The following PRKAR2A variants were observed in gnomAD, a reference collection of about 807,000 sequenced individuals.
PRKAR2A encodes the protein cAMP-dependent protein kinase type II-alpha regulatory subunit.
Under a neutral mutation model 51.9 loss-of-function variants are expected in PRKAR2A, and 29 were observed. The ratio of observed to expected loss-of-function variants is 0.56; its 90% CI spans 0.42 to 0.76. The LOEUF is 0.76. Ranked by LOEUF, PRKAR2A falls within the 30% of genes least tolerant of loss-of-function variation. PRKAR2A has a pLI of 0.00. For synonymous variants in PRKAR2A, 178 were observed against 186.2 expected (o/e 0.96, Z 0.36); for missense variants, 445 against 512.1 (o/e 0.87, Z 1.26).
intron 3 of PRKAR2A, among the ~76,000 whole-genome samples, chr3:48,792,538 C>T (rs1394221794): frequency 3.5e-5 from 5 of 141,222 alleles, no homozygotes; most frequent in Admixed American, 3.5e-4. Flanking sequence ...CTCAGCTCAC[C>T]ACAACCTCGG....
chr3:48,805,968 A>G (rs1055957536), intron 2 of PRKAR2A, among the ~76,000 whole-genome samples: 2 of 152,218 alleles, frequency 1.3e-5, no homozygotes, highest in African/African-American at 4.8e-5. Context: ...GTATCACTAT[A>G]GTCTCCATCT....
chr3:48,833,675 A>C (rs1407799037), intron 1 of PRKAR2A, among the ~76,000 whole-genome samples: 1 of 149,896 alleles, frequency 6.7e-6, no homozygotes, highest in African/African-American at 2.5e-5. Flanking sequence ...GCGCCATTGC[A>C]CTTCAGCCTG....
intron 5 of PRKAR2A, among the ~76,000 whole-genome samples, chr3:48,780,034 C>A (rs2082168997): frequency 6.6e-6 from 1 of 151,496 alleles, no homozygotes; most frequent in Non-Finnish European, 1.5e-5. Context: ...TGGCAGGCAC[C>A]TGTAGTCCCA....
In PRKAR2A at chr3:48,814,825, C is replaced by T. The variant is rs1281127848; in HGVS notation, c.263-7141G>A. ...TTATTTTCTAATCTCAAGCTTTGTG[C>T]TTTATAAATATTTAGTTATTAATTT... On this transcript the variant is annotated intron_variant, in intron 1 of 10. Transcript: ENST00000265563. Among the ~76,000 whole-genome samples the T allele has an allele frequency of 2.6e-5, 4 of 152,136 alleles. No individual in the cohort carries two copies. The East Asian group carries it at 7.7e-4, about 29-fold the overall frequency.
intron 1 of PRKAR2A, among the ~76,000 whole-genome samples, chr3:48,827,396 T>G (rs1357704041): frequency 6.6e-6 from 1 of 151,656 alleles, no homozygotes; most frequent in Non-Finnish European, 1.5e-5. Flanking sequence ...GCTGATAGCA[T>G]GAAGTAAACT....
intron 5 of PRKAR2A, among the ~76,000 whole-genome samples, chr3:48,775,686 CA>C (rs2082095678): frequency 6.6e-6 from 1 of 151,774 alleles, no homozygotes; most frequent in African/African-American, 2.4e-5. Context: ...AAAGATACTG[CA>C]AAAGATTTAA....
In PRKAR2A at chr3:48,748,751, GTTCTTGTC is replaced by G. The variant is rs2081601411; in HGVS notation, c.*2826_*2833del. On this transcript the variant is annotated 3_prime_UTR_variant, in exon 11 of 11. Transcript: ENST00000265563. ...GTTACCTTTACAAGAAACTGGTGTGGTTCTTGTCTGCTAAGGGCAAGACCTGTTTTCTG... is the reference window on the plus strand; with the variant it reads ...GTTACCTTTACAAGAAACTGGTGTGGTGCTAAGGGCAAGACCTGTTTTCTG... The G allele has an allele frequency of 1.3e-5, 2 of 152,172 alleles. No homozygotes were observed. Among genetic ancestry groups the G allele is most frequent in the South Asian group, 4.1e-4 (2 of 4,834 alleles). 9.4% of individuals were successfully genotyped at this position (152,172 alleles called of 1,614,324 possible). A position where few individuals can be genotyped will look rare whatever the true frequency, so the allele number is the denominator to read the frequency against.
At chr3:48,781,281 C>T (rs2082193352) in intron 5 of PRKAR2A, among the ~76,000 whole-genome samples, 1 of 151,620 alleles carries the variant, frequency 6.6e-6, no homozygotes, top group South Asian at 2.1e-4. Context: ...CCACCACGCC[C>T]AGCCTTGCCA....
intron 1 of PRKAR2A, among the ~76,000 whole-genome samples, chr3:48,837,081 T>C (rs770689696): frequency 1.1e-4 from 17 of 151,968 alleles, no homozygotes; most frequent in Admixed American, 2.0e-4. Context: ...TGAGCTATGA[T>C]TGCACCACTA....
chr3:48,834,603 G>A (rs1329415063), intron 1 of PRKAR2A, among the ~76,000 whole-genome samples: 1 of 151,686 alleles, frequency 6.6e-6, no homozygotes, highest in African/African-American at 2.4e-5. Context: ...GTGCATGCCT[G>A]TAGTCCCAAT....
chr3:48,836,942 G>T (rs1254069598), intron 1 of PRKAR2A, among the ~76,000 whole-genome samples: 1 of 151,944 alleles, frequency 6.6e-6, no homozygotes, highest in Non-Finnish European at 1.5e-5. Context: ...ACCAGCCTGG[G>T]CAACATGGTG....
intron 3 of PRKAR2A, among the ~76,000 whole-genome samples, chr3:48,793,463 AG>A (rs2107320115): frequency 6.6e-6 from 1 of 152,242 alleles, no homozygotes; most frequent in African/African-American, 2.4e-5. Context: ...AACAGAAATG[AG>A]GTCTAACTAC....
intron 2 of PRKAR2A, among the ~76,000 whole-genome samples, chr3:48,806,321 A>G (rs2082675134): frequency 1.3e-5 from 2 of 152,228 alleles, no homozygotes; most frequent in Admixed American, 6.5e-5. Context: ...GAAAGAACAT[A>G]CCATTTGCCT....
chr3:48,763,635 T>C (rs2081895415), intron 8 of PRKAR2A, among the ~76,000 whole-genome samples: 1 of 152,202 alleles, frequency 6.6e-6, no homozygotes, highest in Non-Finnish European at 1.5e-5. Context: ...CCACTGGCCT[T>C]TGCTAATATT....
chr3:48,842,843 A>C (rs906710159), intron 1 of PRKAR2A, among the ~76,000 whole-genome samples: 2 of 152,202 alleles, frequency 1.3e-5, no homozygotes, highest in African/African-American at 4.8e-5. Flanking sequence ...TTTCTGCATC[A>C]ATGTTCACCA....
At position 48,750,279 on chromosome 3, in the gene PRKAR2A, C is replaced by T. The variant is rs1373757320; in HGVS notation, c.*1306G>A. On this transcript the variant is annotated 3_prime_UTR_variant, in exon 11 of 11. Transcript: ENST00000265563. ...TCAGGAGGTTGAGGCAGGAGAATCA[C>T]TTTAATCTGGGAGGCGGAGGTTGCG... 6.6e-6 allele frequency: 1 copy of T among 152,138 alleles called. No individual in the cohort carries two copies. The highest frequency in any genetic ancestry group is 1.5e-5 in the Non-Finnish European group (1 of 68,036). The allele number at this position is 152,138 out of a possible 1,614,324, so 9.4% of individuals were successfully genotyped here.
At position 48,793,989 on chromosome 3, in the gene PRKAR2A, G is replaced by C. The variant is rs777533317; in HGVS notation, c.351+8C>G. On this transcript the variant is annotated splice_region_variant and intron_variant, in intron 3 of 10. Transcript: ENST00000265563. ...AATTCTACCTAACATCTTTGCTTTG[G>C]GTCTTACCCTTGGATCTGTATCTTC... The C allele has an allele frequency of 1.3e-6, 2 of 1,588,492 alleles. No homozygotes were observed. Among genetic ancestry groups the C allele is most frequent in the African/African-American group, 1.3e-5 (1 of 74,380 alleles).
intron 3 of PRKAR2A, among the ~76,000 whole-genome samples, chr3:48,793,175 C>T (rs1185149957): frequency 6.6e-6 from 1 of 151,940 alleles, no homozygotes; most frequent in Non-Finnish European, 1.5e-5. Flanking sequence ...CACAAACATA[C>T]ATCCCATGCC....
intron 1 of PRKAR2A, among the ~76,000 whole-genome samples, chr3:48,823,433 G>A (rs1284459635): frequency 1.3e-5 from 2 of 151,524 alleles, no homozygotes; most frequent in Non-Finnish European, 2.9e-5. Flanking sequence ...GCTGCTTGGT[G>A]TGTGGAGGAA....
Sources: gnomAD v4.1 joint callset for allele counts (sites outside exome capture counted in the v4.1 genomes callset) on GRCh38, gnomAD v4.1.1 for gene constraint, MANE v1.5 for transcripts, NCBI Gene and HGNC (gene_info 2026-07-23, HGNC 2026-07-21) for gene names.